The following INTS6 variants were observed in gnomAD, a reference collection of about 807,000 sequenced individuals.
The protein encoded by INTS6 is integrator complex subunit 6.
INTS6 carries 16 observed loss-of-function variants against 104.9 expected under a neutral mutation model. That is an observed-to-expected ratio of 0.15 (90% CI 0.10 to 0.23). The LOEUF is 0.23. Among genes scored for constraint, INTS6 ranks in the 10% least tolerant of loss-of-function variants. INTS6 has a pLI of 1.00. For missense variants in INTS6, 584 were observed against 1,062.8 expected, an observed-to-expected ratio of 0.55 and a Z score of 6.26; for synonymous variants, 324 against 358.7, an observed-to-expected ratio of 0.90 and a Z score of 1.09.
chr13:51,362,286 AGAG>A lies in INTS6; in HGVS notation c.*3463_*3465del, dbSNP rs1191270534. The A allele has an allele frequency of 3.4e-6, 1 of 294,252 alleles. No homozygotes were observed. Among genetic ancestry groups the A allele is most frequent in the East Asian group, 8.6e-5 (1 of 11,612 alleles). The allele number at this position is 294,252 out of a possible 1,614,324, so 18.2% of individuals were successfully genotyped here. A position where few individuals can be genotyped will look rare whatever the true frequency, so the allele number is the denominator to read the frequency against. ...TTTTTTCAGGTCACTAGAGTACACC[AGAG>A]TAGTCCTCTTGTGATCCTAGTATTC... On this transcript the variant is annotated 3_prime_UTR_variant, in exon 18 of 18. Coordinates refer to ENST00000311234, the MANE Select transcript of INTS6 (RefSeq NM_012141.3).
At chr13:51,396,861 G>A (rs1423996164) in intron 4 of INTS6, among the ~76,000 whole-genome samples, 2 of 152,154 alleles carry the variant, frequency 1.3e-5, no homozygotes, top group Non-Finnish European at 2.9e-5. Context: ...AGGCAAAAGC[G>A]AAGATTTTTG....
rs551777372 is a variant in INTS6 at position 51,413,180 on chromosome 13, G to A, written c.429+17114C>T. Among the ~76,000 whole-genome samples the A allele has an allele frequency of 4.6e-5, 7 of 152,124 alleles. No individual in the cohort carries two copies. In the South Asian group the frequency reaches 1.2e-3, roughly 27 times the overall value. ...AAACTACTACTTAATTACACACTAT[G>A]ATAAATACTATAAGAAAAAAGTTTT... On this transcript the variant is annotated intron_variant, in intron 4 of 17. Transcript: ENST00000311234.
At chr13:51,431,003 T>C (rs1375357134) in intron 3 of INTS6, among the ~76,000 whole-genome samples, 7 of 152,116 alleles carry the variant, frequency 4.6e-5, no homozygotes. Flanking sequence ...AGTACAAAAA[T>C]AGTGGTAGCA....
At chr13:51,450,338 C>T (rs1953010302) in intron 3 of INTS6, 1 of 985,278 alleles carries the variant, frequency 1.0e-6, no homozygotes, top group Non-Finnish European at 1.2e-6. Context: ...CTCTCATCCT[C>T]AAATACATGA....
Position 51,396,048 on chromosome 13 carries a change from T to C in INTS6, c.430-565A>G, listed in dbSNP as rs539748038. ...CCCGATCTCAGGTGACCCACACGCC[T>C]CGGCCTCTCAAAGTGCTGGATTACA... is the stretch of plus-strand genomic sequence containing the variant. On this transcript the variant is annotated intron_variant, in intron 4 of 17. Transcript: ENST00000311234. 3.9e-5 allele frequency among the ~76,000 whole-genome samples: 6 copies of C among 152,208 alleles called. No individual in the cohort carries two copies. The South Asian group carries it at 1.2e-3, about 32-fold the overall frequency.
rs1042632688 is a variant in INTS6 at position 51,432,418 on chromosome 13, T to G, written c.340-2035A>C. Among the ~76,000 whole-genome samples the G allele has an allele frequency of 6.6e-5, 10 of 152,030 alleles. No homozygotes were observed. The East Asian group carries it at 1.9e-3, about 29-fold the overall frequency. On this transcript the variant is annotated intron_variant, in intron 3 of 17. Coordinates refer to ENST00000311234, the MANE Select transcript of INTS6 (RefSeq NM_012141.3). Reference sequence around the variant, plus strand: ...GCAGAAGTATACACTTAAAAATGGTTAAGACAGTAAATTTTGTTGTGTTTA... The same window carrying G: ...GCAGAAGTATACACTTAAAAATGGTGAAGACAGTAAATTTTGTTGTGTTTA...
intron 14 of INTS6, 47 bp downstream of exon 14, chr13:51,374,607 C>G: frequency 6.3e-7 from 1 of 1,598,630 alleles, no homozygotes; most frequent in Non-Finnish European, 8.5e-7. Context: ...ATAAAACTGA[C>G]AGTGCCTACC....
chr13:51,358,921 G>A (rs888320741), downstream of INTS6, among the ~76,000 whole-genome samples: 9 of 152,186 alleles, frequency 5.9e-5, no homozygotes, highest in African/African-American at 2.2e-4. Context: ...ACAGAGAATG[G>A]TGTGGGTGGT....
At chr13:51,367,181 C>T (rs867022877) in intron 17 of INTS6, among the ~76,000 whole-genome samples, 6 of 151,738 alleles carry the variant, frequency 4.0e-5, no homozygotes, top group Non-Finnish European at 7.4e-5. Flanking sequence ...AATACTAATA[C>T]AGTGTAAATA....
At chr13:51,450,683 C>T in intron 3 of INTS6, 2 of 999,082 alleles carry the variant, frequency 2.0e-6, no homozygotes, top group Non-Finnish European at 2.4e-6. Context: ...TGTCTCTAAG[C>T]CACTATAATA....
chr13:51,447,581 T>TA (rs1952944280), intron 3 of INTS6: 1 of 151,962 alleles, frequency 6.6e-6, no homozygotes, highest in Non-Finnish European at 1.5e-5. Flanking sequence ...CAAGGGCACA[T>TA]AGTAGGAAAG....
intron 6 of INTS6, among the ~76,000 whole-genome samples, chr13:51,388,368 G>GTGTTTTTTT: frequency 6.7e-6 from 1 of 148,600 alleles, no homozygotes; most frequent in East Asian, 2.1e-4. Flanking sequence ...GTGTGTGTGT[G>GTGTTTTTTT]TTTTGTTTTT....
chr13:51,415,354 T>C (rs963541902), intron 4 of INTS6, among the ~76,000 whole-genome samples: 2 of 152,174 alleles, frequency 1.3e-5, no homozygotes, highest in African/African-American at 4.8e-5. Context: ...GTGATTGATA[T>C]GGTTTGGCTG....
chr13:51,362,125 T>C lies in INTS6; in HGVS notation c.*3627A>G. ...CCTTCTCATTCTCTCAGCTCATATA[T>C]AGTTAATGTAGATTTTTTTTTTTAA... is the stretch of plus-strand genomic sequence containing the variant. On this transcript the variant is annotated 3_prime_UTR_variant, in exon 18 of 18. Transcript: ENST00000311234. The C allele has an allele frequency of 1.6e-5, 21 of 1,348,728 alleles. No individual in the cohort carries two copies. The highest frequency in any genetic ancestry group is 2.0e-5 in the Non-Finnish European group (21 of 1,036,496). The allele number at this position is 1,348,728 out of a possible 1,614,324, so 83.5% of individuals were successfully genotyped here. A position where few individuals can be genotyped will look rare whatever the true frequency, so the allele number is the denominator to read the frequency against.
downstream of INTS6, among the ~76,000 whole-genome samples, chr13:51,358,276 T>G (rs952672737): frequency 3.3e-5 from 5 of 152,138 alleles, no homozygotes; most frequent in African/African-American, 1.2e-4. Flanking sequence ...TAACACTGGC[T>G]ACAGCAAATA....
chr13:51,436,456 T>C (rs1952690313), intron 3 of INTS6: 1 of 152,170 alleles, frequency 6.6e-6, no homozygotes, highest in South Asian at 2.1e-4. Context: ...AACCACGTAA[T>C]TCCTTATGTT....
chr13:51,408,703 T>C (rs1429536749), intron 4 of INTS6, among the ~76,000 whole-genome samples: 1 of 152,162 alleles, frequency 6.6e-6, no homozygotes, highest in African/African-American at 2.4e-5. Context: ...GAAAAAAACT[T>C]AAAGACCTTT....
chr13:51,422,890 T>A, intron 4 of INTS6: 1 of 341,584 alleles, frequency 2.9e-6, no homozygotes, highest in Non-Finnish European at 5.4e-6. Flanking sequence ...TGCATACTGT[T>A]TTCTCTTCCT....
intron 4 of INTS6, among the ~76,000 whole-genome samples, chr13:51,407,540 A>C (rs1256918041): frequency 6.6e-6 from 1 of 152,198 alleles, no homozygotes; most frequent in Non-Finnish European, 1.5e-5. Context: ...AGACTCATAA[A>C]AGCAAAAATC....
Sources: allele counts gnomAD v4.1 joint callset (sites outside exome capture counted in the v4.1 genomes callset), GRCh38; gene constraint gnomAD v4.1.1; transcripts MANE v1.5; gene names NCBI Gene and HGNC (gene_info 2026-07-23, HGNC 2026-07-21).